The following ZC3H14 variants were observed in gnomAD, a reference collection of about 807,000 sequenced individuals.
ZC3H14 encodes zinc finger CCCH-type containing 14.
In ZC3H14, 31 loss-of-function variants were observed where a neutral mutation model predicts 92.4. That is an observed-to-expected ratio of 0.34 (90% CI 0.25 to 0.45). The LOEUF is 0.45. ZC3H14 is among the 20% of genes least tolerant of loss of function. The pLI is 1.00. For synonymous variants in ZC3H14, 321 were observed against 300.9 expected (o/e 1.07, Z -0.69); for missense variants, 781 against 897.3 (o/e 0.87, Z 1.66).
In ZC3H14 at chr14:88,575,957, ATG is replaced by A. The variant is rs781292078; in HGVS notation, c.1123+19_1123+20del. The A allele has an allele frequency of 1.9e-5, 30 of 1,563,270 alleles. No homozygotes were observed. Among genetic ancestry groups the A allele is most frequent in the Non-Finnish European group, 2.6e-5 (30 of 1,134,680 alleles). ...ACTCTACAGGTAATTTAAATGTATT[ATG>A]TTTACACTTGGTAAGACATTTCTGT... On this transcript the variant is annotated intron_variant, in intron 8 of 16. Coordinates refer to ENST00000251038, the MANE Select transcript of ZC3H14 (RefSeq NM_024824.5).
Position 88,615,464 on chromosome 14 carries a change from A to G in ZC3H14, c.*3713A>G, listed in dbSNP as rs535187407. ...CCATTTTGCTAAAAAGATAATGAAA[A>G]TTATCCAAATTGGGTTTTTGAGTTC... On this transcript the variant is annotated 3_prime_UTR_variant, in exon 17 of 17. Coordinates refer to ENST00000251038, the MANE Select transcript of ZC3H14 (RefSeq NM_024824.5). The G allele has an allele frequency of 4.8e-6, 1 of 209,010 alleles. No individual in the cohort carries two copies. The highest frequency in any genetic ancestry group is 9.5e-6 in the Non-Finnish European group (1 of 105,430). The allele number at this position is 209,010 out of a possible 1,614,324, so 12.9% of individuals were successfully genotyped here.
At chr14:88,569,882 G>T (rs1423753539) in intron 3 of ZC3H14, among the ~76,000 whole-genome samples, 1 of 152,150 alleles carries the variant, frequency 6.6e-6, no homozygotes, top group Non-Finnish European at 1.5e-5. Flanking sequence ...ATGATACACT[G>T]CTGCCTCACT....
chr14:88,621,395 A>G lies in ZC3H14; in HGVS notation c.*9644A>G. 2.0e-6 allele frequency: 3 copies of G among 1,511,346 alleles called. No homozygotes were observed. The highest frequency in any genetic ancestry group is 2.7e-6 in the Non-Finnish European group (3 of 1,102,656). The allele number at this position is 1,511,346 out of a possible 1,614,324, so 93.6% of individuals were successfully genotyped here. A position where few individuals can be genotyped will look rare whatever the true frequency, so the allele number is the denominator to read the frequency against. Reference sequence around the variant, plus strand: ...AATGACCCTATTGACCTGCTTTCAGAGAACTTTTTGCTTTGAGCTAATCTA... The same window carrying G: ...AATGACCCTATTGACCTGCTTTCAGGGAACTTTTTGCTTTGAGCTAATCTA... On this transcript the variant is annotated 3_prime_UTR_variant, in exon 17 of 17. Coordinates refer to ENST00000251038, the MANE Select transcript of ZC3H14 (RefSeq NM_024824.5).
rs2089256801 is a variant in ZC3H14 at position 88,622,836 on chromosome 14, A to G, written c.*11085A>G. ...TTTTTAAAAAGGCCCTGATATTTAT[A>G]ATTTACCTCTAATATTCTTGTAAAC... On this transcript the variant is annotated 3_prime_UTR_variant, in exon 17 of 17. Transcript: ENST00000251038. 1.8e-6 allele frequency: 1 copy of G among 551,054 alleles called. No homozygotes were observed. 34.1% of individuals were successfully genotyped at this position (551,054 alleles called of 1,614,324 possible). A position where few individuals can be genotyped will look rare whatever the true frequency, so the allele number is the denominator to read the frequency against.
At chr14:88,565,931 A>G (rs1240577417) in intron 2 of ZC3H14, among the ~76,000 whole-genome samples, 1 of 146,058 alleles carries the variant, frequency 6.8e-6, no homozygotes, top group African/African-American at 2.5e-5. Flanking sequence ...GCAGTGGTGC[A>G]ATCTTGGCTC....
intron 2 of ZC3H14, 157 bp from the exon 3 acceptor site, chr14:88,567,882 G>A (rs549127819): frequency 1.4e-6 from 1 of 689,802 alleles, no homozygotes; most frequent in East Asian, 2.8e-5. Context: ...GTGGAATGAA[G>A]AGAAAAAAAT....
chr14:88,571,658 A>G (rs1443679732), intron 4 of ZC3H14, among the ~76,000 whole-genome samples: 1 of 152,166 alleles, frequency 6.6e-6, no homozygotes, highest in African/African-American at 2.4e-5. Context: ...GAAGGAAACG[A>G]CTTAAAGTAA....
rs1038789782 is a variant in ZC3H14 at position 88,597,847 on chromosome 14, A to C, written c.1354+1039A>C. On this transcript the variant is annotated intron_variant, in intron 10 of 16. Transcript: ENST00000251038. ...GCATGTTTTCTCTTCTGCCTCCTTC[A>C]GCTTTTCATTGTACCCATGGTGCAC... Among the ~76,000 whole-genome samples, 3 of 152,184 alleles carry C rather than the reference A, an allele frequency of 2.0e-5. No homozygotes were observed. The East Asian group carries it at 5.8e-4, about 29-fold the overall frequency.
intron 2 of ZC3H14, 119 bp downstream of exon 2, chr14:88,563,812 T>TGAA: frequency 1.0e-6 from 1 of 987,370 alleles, no homozygotes; most frequent in Non-Finnish European, 1.6e-6. Context: ...TTCTACCTTC[T>TGAA]TCAAATCTTA....
rs1435746713 is a variant in ZC3H14 at position 88,616,245 on chromosome 14, A to G, written c.*4494A>G. On this transcript the variant is annotated 3_prime_UTR_variant, in exon 17 of 17. Coordinates refer to ENST00000251038, the MANE Select transcript of ZC3H14 (RefSeq NM_024824.5). ...CCCAAGAACCTTTTGTGTTTTGCCT[A>G]AAAAACAATGACAGACAAGCTCAGG... is the stretch of plus-strand genomic sequence containing the variant. 6.2e-6 allele frequency: 10 copies of G among 1,613,502 alleles called. No homozygotes were observed. Among genetic ancestry groups the G allele is most frequent in the Non-Finnish European group, 8.5e-6 (10 of 1,179,490 alleles).
chr14:88,601,312 T>C lies in ZC3H14; in HGVS notation c.1355-612T>C, dbSNP rs556239754. 2.0e-5 allele frequency among the ~76,000 whole-genome samples: 3 copies of C among 152,348 alleles called. No individual in the cohort carries two copies. In the East Asian group the frequency reaches 5.8e-4, roughly 29 times the overall value. On this transcript the variant is annotated intron_variant, in intron 10 of 16. Coordinates refer to ENST00000251038, the MANE Select transcript of ZC3H14 (RefSeq NM_024824.5). The stretch of plus-strand genomic sequence containing the variant: ...TTGATAGGTCAGCCATTCTGGGTTG[T>C]AGGTCTTGGCATATTTTATAAAATA...
rs773498602 is a variant in ZC3H14 at position 88,625,038 on chromosome 14, G to A, written c.*13287G>A. 2.0e-5 allele frequency: 33 copies of A among 1,612,860 alleles called. No homozygotes were observed. Among genetic ancestry groups the A allele is most frequent in the South Asian group, 5.5e-5 (5 of 90,970 alleles). On this transcript the variant is annotated 3_prime_UTR_variant, in exon 17 of 17. Coordinates refer to ENST00000251038, the MANE Select transcript of ZC3H14 (RefSeq NM_024824.5). ...TGGTGTACATGGCAAACACAGGCCC[G>A]TTGTGAGCTCTCGCCACGATTCTAC...
At chr14:88,563,577 C>A (rs962583233) in intron 1 of ZC3H14, 74 bp from the exon 2 acceptor site, 38 of 1,595,842 alleles carry the variant, frequency 2.4e-5, no homozygotes, top group Non-Finnish European at 3.1e-5. Flanking sequence ...AAAGTGGCCT[C>A]AGCCGCTGCA....
intron 3 of ZC3H14, among the ~76,000 whole-genome samples, chr14:88,570,186 CACTTTGCTTTCTTAAGTTAGT>C (rs1303729433): frequency 6.6e-6 from 1 of 152,148 alleles, no homozygotes; most frequent in African/African-American, 2.4e-5. Flanking sequence ...CCCATTTTGG[CACTTTGCTTTCTTAAGTTAGT>C]GTTCATTAAC....
At chr14:88,588,562 C>CT (rs911496610) in intron 9 of ZC3H14, among the ~76,000 whole-genome samples, 5 of 149,840 alleles carry the variant, frequency 3.3e-5, no homozygotes, top group South Asian at 2.1e-4. Context: ...TCTCCGGGAA[C>CT]TTTTTTTTTT....
rs756607579 is a variant in ZC3H14 at position 88,616,397 on chromosome 14, G to C, written c.*4646G>C. On this transcript the variant is annotated 3_prime_UTR_variant, in exon 17 of 17. Transcript: ENST00000251038. ...AGAATGCTTTTCAGCATGAGTAGTG[G>C]ATCTGCAAAACCAGGCTGTGTGGGC... The C allele has an allele frequency of 8.2e-6, 6 of 731,534 alleles. No individual in the cohort carries two copies. The highest frequency in any genetic ancestry group is 1.4e-5 in the Non-Finnish European group (6 of 441,106). The allele number at this position is 731,534 out of a possible 1,614,324, so 45.3% of individuals were successfully genotyped here.
intron 9 of ZC3H14, among the ~76,000 whole-genome samples, chr14:88,581,386 C>G (rs752954540): frequency 1.3e-5 from 2 of 151,992 alleles, no homozygotes; most frequent in Non-Finnish European, 2.9e-5. Context: ...TGGTGAAACC[C>G]CATCTCTACT....
intron 4 of ZC3H14, among the ~76,000 whole-genome samples, chr14:88,571,712 A>C (rs1369313203): frequency 6.6e-6 from 1 of 152,236 alleles, no homozygotes; most frequent in Non-Finnish European, 1.5e-5. Context: ...CTGTAATCCC[A>C]GCATTTTGGG....
intron 3 of ZC3H14, 45 bp downstream of exon 3, chr14:88,568,198 G>A (rs2079943269): frequency 2.7e-6 from 4 of 1,507,484 alleles, no homozygotes; most frequent in African/African-American, 1.4e-5. Context: ...TTTGGCACAA[G>A]CCTGAGTTGA....
Sources: allele counts gnomAD v4.1 joint callset (sites outside exome capture counted in the v4.1 genomes callset), GRCh38; gene constraint gnomAD v4.1.1; transcripts MANE v1.5; gene names NCBI Gene and HGNC (gene_info 2026-07-23, HGNC 2026-07-21).